CDH11: variants seen among roughly 807,000 people sequenced by gnomAD.
CDH11 encodes the protein cadherin 11.
In CDH11, 11 loss-of-function variants were observed where a neutral mutation model predicts 67.8. The observed-to-expected ratio is 0.16, with a 90% CI of 0.10 to 0.27. The LOEUF is 0.27. Ranked by LOEUF, CDH11 falls within the 10% of genes least tolerant of loss-of-function variation. The pLI is 1.00. For missense variants in CDH11, 847 were observed against 1,031.2 expected (o/e 0.82, Z 2.45); for synonymous variants, 419 against 400.0 (o/e 1.05, Z -0.57).
intron 1 of CDH11, among the ~76,000 whole-genome samples, chr16:65,090,086 G>A (rs1257287124): frequency 6.6e-6 from 1 of 152,046 alleles, no homozygotes; most frequent in Non-Finnish European, 1.5e-5. Flanking sequence ...TGAGAAAAAT[G>A]GAAAAGATTG....
chr16:65,061,725 T>C (rs962346521), intron 1 of CDH11, among the ~76,000 whole-genome samples: 10 of 152,240 alleles, frequency 6.6e-5, no homozygotes, highest in African/African-American at 2.4e-4. Context: ...GTACATATGA[T>C]GCTAACTCTC....
intron 8 of CDH11, among the ~76,000 whole-genome samples, chr16:64,978,857 CATGACTTTAG>C (rs2072250064): frequency 6.6e-6 from 1 of 151,748 alleles, no homozygotes; most frequent in African/African-American, 2.4e-5. Context: ...GTAAATCATT[CATGACTTTAG>C]ATTAGACAAT....
chr16:65,029,454 G>T (rs900780886), intron 2 of CDH11, among the ~76,000 whole-genome samples: 1 of 152,160 alleles, frequency 6.6e-6, no homozygotes, highest in South Asian at 2.1e-4. Context: ...AGACAGATGA[G>T]AGAGATAAAA....
chr16:65,106,385 T>C (rs954188353), intron 1 of CDH11, among the ~76,000 whole-genome samples: 1 of 152,178 alleles, frequency 6.6e-6, no homozygotes, highest in African/African-American at 2.4e-5. Context: ...TAGTGGACTG[T>C]GTCTCTTTGA....
intron 4 of CDH11, among the ~76,000 whole-genome samples, chr16:64,994,087 G>T (rs1016874468): frequency 1.3e-5 from 2 of 152,136 alleles, no homozygotes; most frequent in African/African-American, 4.8e-5. Context: ...TATGTGGGAG[G>T]CAAGGGAGCC....
chr16:65,032,160 T>C (rs1389961436), intron 2 of CDH11, among the ~76,000 whole-genome samples: 1 of 151,944 alleles, frequency 6.6e-6, no homozygotes, highest in African/African-American at 2.4e-5. Context: ...ATCTTTACAG[T>C]CTTGTGAGGC....
chr16:65,059,345 G>A (rs1420494644), intron 1 of CDH11, among the ~76,000 whole-genome samples: 2 of 152,218 alleles, frequency 1.3e-5, no homozygotes, highest in Non-Finnish European at 2.9e-5. Flanking sequence ...ATTTGACACA[G>A]TGGCCTTTTA....
chr16:65,102,334 G>C (rs1278961679), intron 1 of CDH11, among the ~76,000 whole-genome samples: 1 of 152,190 alleles, frequency 6.6e-6, no homozygotes, highest in African/African-American at 2.4e-5. Flanking sequence ...CAGTTGAAGA[G>C]AGTATGAGGA....
chr16:65,110,911 GA>G (rs913942001), intron 1 of CDH11, among the ~76,000 whole-genome samples: 1 of 152,122 alleles, frequency 6.6e-6, no homozygotes, highest in African/African-American at 2.4e-5. Flanking sequence ...GAGCTAAATG[GA>G]ATGAGTAACA....
chr16:65,052,923 G>T (rs1008843001), intron 2 of CDH11, among the ~76,000 whole-genome samples: 1 of 152,150 alleles, frequency 6.6e-6, no homozygotes, highest in Admixed American at 6.5e-5. Context: ...GAGGTGAGGG[G>T]TTGAGAGGCT....
In CDH11 at chr16:64,947,695, A is replaced by C. The variant is rs1308595971; in HGVS notation, c.2299T>G (p.Leu767Val). Reference protein sequence around the residue: ...SLESATTDSDLDYDYLQNWGP... With the variant: ...SLESATTDSDVDYDYLQNWGP... Reference sequence around the variant, plus strand: ...CAGTTCTGTAGATAATCATAGTCCAAGTCTGAATCTGTGGTGGCCGACTCT... The same window carrying C: ...CAGTTCTGTAGATAATCATAGTCCACGTCTGAATCTGTGGTGGCCGACTCT... The change falls in exon 13 of 13, where the codon TTG (leucine) becomes GTG (valine). Residue 767 changes from leucine (L) to valine (V), a missense_variant. Transcript: ENST00000268603. 3.7e-6 allele frequency: 6 copies of C among 1,614,076 alleles called. No homozygotes were observed. The highest frequency in any genetic ancestry group is 5.1e-6 in the Non-Finnish European group (6 of 1,179,966).
chr16:65,026,998 A>C (rs1203788025), intron 2 of CDH11, among the ~76,000 whole-genome samples: 1 of 152,162 alleles, frequency 6.6e-6, no homozygotes, highest in Non-Finnish European at 1.5e-5. Context: ...ATCATTGTCA[A>C]AGGGATTGCT....
intron 11 of CDH11, among the ~76,000 whole-genome samples, chr16:64,959,468 C>T (rs1464421812): frequency 6.6e-6 from 1 of 152,130 alleles, no homozygotes. Flanking sequence ...GGTCTTTAAG[C>T]TAACTAGTTA....
chr16:64,986,746 T>C (rs887849791), intron 7 of CDH11: 8 of 152,156 alleles, frequency 5.3e-5, no homozygotes, highest in Admixed American at 1.3e-4. Flanking sequence ...TTTCCAAGTA[T>C]CCAAATTTCA....
intron 11 of CDH11, among the ~76,000 whole-genome samples, chr16:64,965,352 A>G (rs984285460): frequency 1.3e-5 from 2 of 152,072 alleles, no homozygotes; most frequent in Non-Finnish European, 2.9e-5. Flanking sequence ...ACTGCACTCC[A>G]GCCTGGGCAA....
intron 2 of CDH11, among the ~76,000 whole-genome samples, chr16:65,048,683 T>C (rs1200674712): frequency 1.3e-5 from 2 of 152,090 alleles, no homozygotes; most frequent in Non-Finnish European, 2.9e-5. Context: ...TATGTATATA[T>C]GTGTGTGTAT....
chr16:65,045,367 A>ATATATG (rs1567546364), intron 2 of CDH11, among the ~76,000 whole-genome samples: 1 of 123,492 alleles, frequency 8.1e-6, no homozygotes, highest in African/African-American at 3.1e-5. Flanking sequence ...ATATATATAT[A>ATATATG]TATATGAACT....
At chr16:65,012,162 C>G (rs1057226383) in intron 2 of CDH11, among the ~76,000 whole-genome samples, 1 of 152,218 alleles carries the variant, frequency 6.6e-6, no homozygotes, top group African/African-American at 2.4e-5. Context: ...AATGACTACA[C>G]TTCTACAGAC....
intron 2 of CDH11, among the ~76,000 whole-genome samples, chr16:65,029,366 TCGA>T (rs1212777577): frequency 6.6e-6 from 1 of 152,176 alleles, no homozygotes; most frequent in Non-Finnish European, 1.5e-5. Context: ...AGTCGTTTTG[TCGA>T]ACATATTTTA....
Sources: gnomAD v4.1 joint callset for allele counts (sites outside exome capture counted in the v4.1 genomes callset) on GRCh38, gnomAD v4.1.1 for gene constraint, MANE v1.5 for transcripts, NCBI Gene and HGNC (gene_info 2026-07-23, HGNC 2026-07-21) for gene names.